The following ANK3 variants were observed in gnomAD, a reference collection of about 807,000 sequenced individuals.
ANK3 encodes the protein ankyrin 3.
ANK3 carries 57 observed loss-of-function variants against 370.9 expected under a neutral mutation model. The observed-to-expected ratio is 0.15, with a 90% CI of 0.12 to 0.19. ANK3 has a LOEUF of 0.19. ANK3 is among the 10% of genes least tolerant of loss of function. The pLI, the probability that ANK3 is intolerant of heterozygous loss-of-function variation, is 1.00. For missense variants in ANK3, 4,439 were observed against 5,302.1 expected (o/e 0.84, Z 5.06); for synonymous variants, 1,929 against 1,946.3 (o/e 0.99, Z 0.23).
chr10:60,284,474 C>CA (rs1347587765), intron 1 of ANK3, among the ~76,000 whole-genome samples: 2 of 152,120 alleles, frequency 1.3e-5, no homozygotes, highest in Admixed American at 6.5e-5. Flanking sequence ...GACAGGGATG[C>CA]AAACCCAGTC....
At chr10:60,690,772 A>C (rs779494549) in intron 1 of ANK3, among the ~76,000 whole-genome samples, 7 of 152,220 alleles carry the variant, frequency 4.6e-5, no homozygotes, top group Non-Finnish European at 1.5e-5. Flanking sequence ...TGATTTAACC[A>C]AGAGCTACGC....
chr10:60,639,702 C>G (rs140902010), intron 1 of ANK3, among the ~76,000 whole-genome samples: 17 of 151,692 alleles, frequency 1.1e-4, no homozygotes, highest in Admixed American at 5.9e-4. Context: ...TAAATAACTA[C>G]TAAAGATAAA....
intron 2 of ANK3, among the ~76,000 whole-genome samples, chr10:60,537,161 C>T (rs1415948345): frequency 6.6e-6 from 1 of 151,930 alleles, no homozygotes; most frequent in Non-Finnish European, 1.5e-5. Flanking sequence ...TTCAATTAAA[C>T]AAAAGTTTTC....
intron 16 of ANK3, among the ~76,000 whole-genome samples, chr10:60,189,486 G>A (rs934992485): frequency 8.5e-5 from 13 of 152,168 alleles, no homozygotes; most frequent in African/African-American, 3.1e-4. Flanking sequence ...AGATACAAAG[G>A]AAAGTATAAA....
exon 1 of ANK3, chr10:60,733,428 C>T (rs967223797): frequency 7.0e-6 from 7 of 1,001,008 alleles, no homozygotes; most frequent in Non-Finnish European, 9.0e-6. Flanking sequence ...TCGGCCGCGG[C>T]TCAGGAACAC....
chr10:60,289,283 A>G (rs1447302707), intron 1 of ANK3, among the ~76,000 whole-genome samples: 1 of 126,726 alleles, frequency 7.9e-6, no homozygotes, highest in Non-Finnish European at 1.7e-5. Context: ...TTTTTTTTTT[A>G]AAGAGATGGG....
chr10:60,598,289 A>G (rs146375209), intron 2 of ANK3, among the ~76,000 whole-genome samples: 56 of 152,330 alleles, frequency 3.7e-4, no homozygotes, highest in African/African-American at 1.3e-3. Flanking sequence ...TGATATCCAT[A>G]TACTTACGCA....
At chr10:60,698,897 T>TATAATA (rs200309538) in intron 1 of ANK3, among the ~76,000 whole-genome samples, 43,915 of 145,624 alleles carry the variant, frequency 0.3, 6,719 homozygotes, top group Admixed American at 0.33. Context: ...AAACTTAAAG[T>TATAATA]ATAATAATAA....
chr10:60,351,301 A>C (rs1206259538), intron 1 of ANK3, among the ~76,000 whole-genome samples: 2 of 152,150 alleles, frequency 1.3e-5, no homozygotes, highest in African/African-American at 4.8e-5. Flanking sequence ...AAAATAAAAC[A>C]ACAAGGGGTA....
intron 7 of ANK3, among the ~76,000 whole-genome samples, chr10:60,250,806 G>A (rs1034562772): frequency 3.9e-5 from 6 of 152,094 alleles, no homozygotes; most frequent in African/African-American, 9.7e-5. Context: ...TTCAAAGCCC[G>A]ATTATTTAGG....
At chr10:60,522,261 A>G (rs987446074) in intron 2 of ANK3, among the ~76,000 whole-genome samples, 32 of 151,894 alleles carry the variant, frequency 2.1e-4, no homozygotes, top group African/African-American at 7.5e-4. Flanking sequence ...CTTAGTTTCA[A>G]TGCTCACGCT....
At chr10:60,512,382 A>G (rs998237974) in intron 2 of ANK3, among the ~76,000 whole-genome samples, 4 of 152,154 alleles carry the variant, frequency 2.6e-5, no homozygotes, top group Admixed American at 1.3e-4. Context: ...TATAAAAGGA[A>G]ATGTTCATCC....
intron 1 of ANK3, among the ~76,000 whole-genome samples, chr10:60,654,113 T>C (rs1434442261): frequency 6.6e-6 from 1 of 152,208 alleles, no homozygotes; most frequent in South Asian, 2.1e-4. Flanking sequence ...TGTATTTTAT[T>C]TTTAATTGTT....
At chr10:60,056,150 G>C (rs2079116009) in intron 41 of ANK3, 114 bp from the exon 42 acceptor site, 2 of 1,193,040 alleles carry the variant, frequency 1.7e-6, no homozygotes, top group Admixed American at 5.6e-5. Context: ...GCATAAAATA[G>C]AAAAGTGTGA....
chr10:60,224,713 A>T (rs77156275), intron 8 of ANK3, among the ~76,000 whole-genome samples: 6,381 of 152,172 alleles, frequency 0.042, 450 homozygotes, highest in African/African-American at 0.14. Flanking sequence ...AAAGAAAAGG[A>T]ATTCAAGCAG....
rs575503739 is a variant in ANK3, at chr10:60,335,999, C to A, written c.114+53426G>T. 2.0e-5 allele frequency among the ~76,000 whole-genome samples: 3 copies of A among 152,002 alleles called. No individual in the cohort carries two copies. The South Asian group carries it at 6.2e-4, about 32-fold the overall frequency. ...GTAAGTGCCCACTATAATTCAGAAG[C>A]CCAGTAAGAAAAAGACCAGAAAATA... is the stretch of plus-strand genomic sequence containing the variant. On this transcript the variant is annotated intron_variant, in intron 1 of 43. Transcript: ENST00000280772.
At chr10:60,348,403 G>A (rs894026831) in intron 1 of ANK3, among the ~76,000 whole-genome samples, 1 of 149,144 alleles carries the variant, frequency 6.7e-6, no homozygotes, top group African/African-American at 2.5e-5. Context: ...CTAACTGGCT[G>A]TCTCAGGAAG....
chr10:60,546,738 C>CAATAATTTCATTAAAATGATTAA (rs1435891520), intron 2 of ANK3, among the ~76,000 whole-genome samples: 1 of 151,990 alleles, frequency 6.6e-6, no homozygotes, highest in Non-Finnish European at 1.5e-5. Context: ...TACATTAAAA[C>CAATAATTTCATTAAAATGATTAA]AATAATTTCA....
intron 2 of ANK3, among the ~76,000 whole-genome samples, chr10:60,562,957 T>TC (rs1032152296): frequency 2.6e-5 from 4 of 152,000 alleles, no homozygotes; most frequent in South Asian, 2.1e-4. Flanking sequence ...AAAGTCTATA[T>TC]CCCCCCCAAA....
Sources: gnomAD v4.1 joint callset for allele counts (sites outside exome capture counted in the v4.1 genomes callset) on GRCh38, gnomAD v4.1.1 for gene constraint, MANE v1.5 for transcripts, NCBI Gene and HGNC (gene_info 2026-07-23, HGNC 2026-07-21) for gene names.